Variants in FASN observed in about 807,000 individuals in gnomAD.
The protein encoded by FASN is 3-hydroxyacyl-[acyl-carrier-protein] dehydratase.
A neutral mutation model predicts 250.0 loss-of-function variants in FASN; 50 were observed. The observed-to-expected ratio is 0.20, with a 90% confidence interval of 0.16 to 0.25. FASN has a LOEUF of 0.25. Among genes scored for constraint, FASN ranks in the 10% least tolerant of loss-of-function variants. FASN has a pLI of 1.00. For missense variants in FASN, 3,031 were observed against 3,498.5 expected (o/e 0.87, Z 3.37); for synonymous variants, 1,909 against 1,584.0 (o/e 1.21, Z -4.87).
chr17:82,078,639 C>T lies in FASN; in HGVS notation c.*504G>A, dbSNP rs991987900. 4.6e-6 allele frequency: 1 copy of T among 217,354 alleles called. No homozygotes were observed. The highest frequency in any genetic ancestry group is 2.3e-5 in the African/African-American group (1 of 42,800). 13.5% of individuals were successfully genotyped at this position (217,354 alleles called of 1,614,324 possible). A position where few individuals can be genotyped will look rare whatever the true frequency, so the allele number is the denominator to read the frequency against. On this transcript the variant is annotated 3_prime_UTR_variant, in exon 43 of 43. Coordinates refer to ENST00000306749, the MANE Select transcript of FASN (RefSeq NM_004104.5). This position sits in a 1 kb window ranked among gnomAD's most constrained non-coding sequence, Gnocchi z 5.4. ...TCCTCGGGGACTGGCCCACGACCCC[C>T]CACTCAGCGGGCTGAGCCAATGCCT...
Position 82,087,738 on chromosome 17 carries a change from C to A in FASN, c.2990G>T (p.Arg997Leu), listed in dbSNP as rs765011040. 2.4e-5 allele frequency: 39 copies of A among 1,612,436 alleles called. No individual in the cohort carries two copies. Among genetic ancestry groups the A allele is most frequent in the Non-Finnish European group, 3.2e-5 (38 of 1,180,002 alleles). The change falls in exon 19 of 43, where the codon CGT (arginine) becomes CTT (leucine). Residue 997 changes from arginine to leucine, a missense_variant. Physicochemically the swap from Arg to Leu is moderately radical, Grantham distance 102. Coordinates refer to ENST00000306749, the MANE Select transcript of FASN (RefSeq NM_004104.5). Reference sequence around the variant, plus strand: ...GAAATGAGGGCCGTAGTCGTAGCCACGCAGACGCAGCTCCTTGTAAACTTC... The same window carrying A: ...GAAATGAGGGCCGTAGTCGTAGCCAAGCAGACGCAGCTCCTTGTAAACTTC... ...QAEVYKELRL[R>L]GYDYGPHFQG...
Position 82,092,693 on chromosome 17 carries a change from T to G in FASN, c.894+4A>C. 1 of 1,413,072 alleles carries G rather than the reference T, an allele frequency of 7.1e-7. No individual in the cohort carries two copies. The highest frequency in any genetic ancestry group is 9.8e-7 in the Non-Finnish European group (1 of 1,018,006). 87.5% of individuals were successfully genotyped at this position (1,413,072 alleles called of 1,614,324 possible). ...GTGAGTGGGGCGGGGGGGGGGGGCA[T>G]CACCTTGGTGCCTGTGCCGTGGGCT... On this transcript the variant is annotated splice_donor_region_variant and intron_variant, in intron 7 of 42. Coordinates refer to ENST00000306749, the MANE Select transcript of FASN (RefSeq NM_004104.5).
Position 82,088,144 on chromosome 17 carries a change from C to T in FASN, c.2757G>A (p.Leu919=), listed in dbSNP as rs147904451. Residue 919 remains leucine (L), a synonymous_variant, in exon 17 of 43, where the codon CTG becomes CTA. Transcript: ENST00000306749. ...TCTTGGGCAGGATGGTGGCCTGGTG[C>T]AGCACCACATCCTCAAACACCACAG... ...QLPVVFEDVV[L]HQATILPKTG... 4.9e-4 allele frequency: 788 copies of T among 1,612,822 alleles called. 1 individual carries two copies. The highest frequency in any genetic ancestry group is 1.5e-3 in the Admixed American group (93 of 60,036).
At chr17:82,081,041 G>A in intron 38 of FASN, 119 bp from the exon 39 acceptor site, 1 of 1,397,618 alleles carries the variant, frequency 7.2e-7, no homozygotes, top group South Asian at 1.2e-5. Flanking sequence ...AGTCGGGGTG[G>A]GAACGCTCAG....
Position 82,079,039 on chromosome 17 carries a change from A to C in FASN, c.*104T>G. The C allele has an allele frequency of 7.8e-7, 1 of 1,281,120 alleles. No individual in the cohort carries two copies. 79.4% of individuals were successfully genotyped at this position (1,281,120 alleles called of 1,614,324 possible). On this transcript the variant is annotated 3_prime_UTR_variant, in exon 43 of 43. Transcript: ENST00000306749. The stretch of plus-strand genomic sequence containing the variant: ...GGGGGGCAGTGGCACTGGGCCGGAC[A>C]GGGTCCCACCGGCAGGACCCTTCAA...
At chr17:82,082,260 T>A in intron 35 of FASN, 63 bp downstream of exon 35, 1 of 1,605,746 alleles carries the variant, frequency 6.2e-7, no homozygotes, top group Non-Finnish European at 8.5e-7. Context: ...CAAACCACCT[T>A]GGCTCCCACG....
At chr17:82,085,198 G>GGGAGGTGGGGTGGGGCCT in intron 24 of FASN, 40 bp downstream of exon 24, 4 of 1,612,498 alleles carry the variant, frequency 2.5e-6, no homozygotes, top group Non-Finnish European at 3.4e-6. Context: ...TCGGCAAGTT[G>GGGAGGTGGGGTGGGGCCT]GGAGGTGGGG....
At position 82,093,009 on chromosome 17, in the gene FASN, G is replaced by A. The variant is rs745645160; in HGVS notation, c.666C>T (p.Tyr222=). The A allele has an allele frequency of 1.9e-6, 3 of 1,612,096 alleles. No individual in the cohort carries two copies. The highest frequency in any genetic ancestry group is 2.5e-6 in the Non-Finnish European group (3 of 1,179,846). Residue 222 remains tyrosine (Y), a synonymous_variant, in exon 6 of 43, where the codon TAC becomes TAT. Coordinates refer to ENST00000306749, the MANE Select transcript of FASN (RefSeq NM_004104.5). ...CKAFDTAGNG[Y]CRSEGVVAVL... ...CGGCCACCACACCCTCCGAGCGGCA[G>A]TACCCATTCCCTGGGTAGAGCAGCA...
intron 8 of FASN, among the ~76,000 whole-genome samples, chr17:82,091,940 C>T (rs1029632274): frequency 2.6e-5 from 4 of 152,246 alleles, no homozygotes; most frequent in African/African-American, 9.6e-5. Context: ...CCCACCAAAG[C>T]CTGGCTGTGG....
At chr17:82,090,330 A>G in intron 11 of FASN, 45 bp downstream of exon 11, 1 of 1,537,966 alleles carries the variant, frequency 6.5e-7, no homozygotes, top group Non-Finnish European at 8.8e-7. Context: ...GCGAGAAGGC[A>G]GCCTCCTTTC....
rs1364481203 is a variant in FASN, at chr17:82,098,180, CGGGAGGCTGAAGCGCGGCGGAGA to C, written c.-90_-68del. 3.6e-5 allele frequency: 13 copies of C among 361,790 alleles called. No individual in the cohort carries two copies. Among genetic ancestry groups the C allele is most frequent in the African/African-American group, 2.1e-4 (10 of 47,028 alleles). 22.4% of individuals were successfully genotyped at this position (361,790 alleles called of 1,614,324 possible). On this transcript the variant is annotated 5_prime_UTR_variant, in exon 1 of 43. Transcript: ENST00000306749. Reference sequence around the variant, plus strand: ...AGAGCGAGGCTGGAGCGCGGCGGAGCGGGAGGCTGAAGCGCGGCGGAGAGGGAGGCCGGGGCCGCTGCCGTCTC... The same window carrying C: ...AGAGCGAGGCTGGAGCGCGGCGGAGCGGGAGGCCGGGGCCGCTGCCGTCTC...
At position 82,091,249 on chromosome 17, in the gene FASN, C is replaced by T. The variant is rs62642482; in HGVS notation, c.1465G>A (p.Glu489Lys). ...GPEVQQVPAG[E>K]RPLWFICSGM... is the part of the protein sequence containing the mutation. ...GAGCAGATGAACCAGAGCGGGCGCT[C>T]GCCAGCGGGCACCTGCTGCACCTCT... is the stretch of plus-strand genomic sequence containing the variant. Residue 489 changes from glutamate (E) to lysine (K), a missense_variant, in exon 9 of 43, where the codon GAG (glutamate) becomes AAG (lysine). Transcript: ENST00000306749. 1,324 of 1,600,482 alleles carry T rather than the reference C, an allele frequency of 8.3e-4. 6 individuals carry two copies. Among genetic ancestry groups the T allele is most frequent in the South Asian group, 6.4e-3 (581 of 90,142 alleles).
At position 82,078,607 on chromosome 17, in the gene FASN, G is replaced by T. The variant is rs2033932043; in HGVS notation, c.*536C>A. On this transcript the variant is annotated 3_prime_UTR_variant, in exon 43 of 43. Coordinates refer to ENST00000306749, the MANE Select transcript of FASN (RefSeq NM_004104.5). The surrounding 1 kb of genome is among the most constrained non-coding windows in gnomAD (Gnocchi z 5.4). ...CCGGGCCCTGTGTGCCTGTGCAGGGGCCCAGCTCCTCGGGGACTGGCCCAC... is the reference window on the plus strand; with the variant it reads ...CCGGGCCCTGTGTGCCTGTGCAGGGTCCCAGCTCCTCGGGGACTGGCCCAC... 5.3e-6 allele frequency: 1 copy of T among 189,026 alleles called. No homozygotes were observed. 11.7% of individuals were successfully genotyped at this position (189,026 alleles called of 1,614,324 possible).
At position 82,079,779 on chromosome 17, in the gene FASN, C is replaced by T. The variant is rs971684968; in HGVS notation, c.7147-171G>A. Reference sequence around the variant, plus strand: ...GCAACCTCCACCTACCCGGTTCAAGCGATTCTCCTCCCTCCGCAACCTCCA... The same window carrying T: ...GCAACCTCCACCTACCCGGTTCAAGTGATTCTCCTCCCTCCGCAACCTCCA... On this transcript the variant is annotated intron_variant, in intron 41 of 42. Transcript: ENST00000306749. 15 of 920,356 alleles carry T rather than the reference C, an allele frequency of 1.6e-5. No individual in the cohort carries two copies. The Admixed American group carries it at 1.7e-4, about 11-fold the overall frequency. The allele number at this position is 920,356 out of a possible 1,614,324, so 57.0% of individuals were successfully genotyped here.
intron 8 of FASN, among the ~76,000 whole-genome samples, chr17:82,092,042 G>A (rs1419770612): frequency 6.6e-6 from 1 of 152,208 alleles, no homozygotes; most frequent in Non-Finnish European, 1.5e-5. Context: ...TGGGTGTTGG[G>A]GCTCCTGTGC....
At chr17:82,096,197 G>A (rs2034299356) in intron 2 of FASN, 122 bp downstream of exon 2, 3 of 1,492,686 alleles carry the variant, frequency 2.0e-6, no homozygotes, top group South Asian at 2.3e-5. Context: ...CTCTGCAGCT[G>A]GGACCGGCCT....
In FASN at chr17:82,080,406, G is replaced by A. The variant is rs144647991; in HGVS notation, c.7011C>T (p.Phe2337=). The A allele has an allele frequency of 5.1e-5, 82 of 1,602,778 alleles. No homozygotes were observed. Among genetic ancestry groups the A allele is most frequent in the Non-Finnish European group, 5.6e-5 (66 of 1,175,416 alleles). ...CCAGTACGTAGGTGGGCGAGCCGTC[G>A]AACAGGAAGAGGCTGTTGTGGGTGG... ...PAPTHNSLFL[F]DGSPTYVLAY... The change falls in exon 40 of 43, where the codon TTC becomes TTT. Residue 2337 remains phenylalanine (F), a synonymous_variant. Transcript: ENST00000306749.
chr17:82,086,168 C>T (rs1403991021), intron 22 of FASN, 86 bp downstream of exon 22: 10 of 1,531,176 alleles, frequency 6.5e-6, no homozygotes, highest in African/African-American at 5.5e-5. Context: ...GGGCCCGCCC[C>T]GTGTCTGTGC....
At chr17:82,088,074 G>GC (rs761063102) in intron 17 of FASN, 40 bp from the exon 18 acceptor site, 3 of 1,612,358 alleles carry the variant, frequency 1.9e-6, no homozygotes, top group Admixed American at 1.7e-5. Context: ...GGCAGCACCC[G>GC]CCCCCCAGCT....
Sources: allele counts gnomAD v4.1 joint callset (sites outside exome capture counted in the v4.1 genomes callset), GRCh38; gene constraint gnomAD v4.1.1; non-coding constraint Gnocchi (gnomAD v3.1); transcripts MANE v1.5; gene names NCBI Gene and HGNC (gene_info 2026-07-23, HGNC 2026-07-21).